Variants in RIMS1 observed in about 807,000 individuals in gnomAD.
RIMS1 encodes the protein regulating synaptic membrane exocytosis protein 1.
In RIMS1, 83 loss-of-function variants were observed where a neutral mutation model predicts 214.1. That is an observed-to-expected ratio of 0.39 (90% confidence interval 0.32 to 0.47). The LOEUF (loss-of-function observed/expected upper bound fraction) is 0.47. Ranked by LOEUF, RIMS1 falls within the 20% of genes least tolerant of loss-of-function variation. The pLI, the probability that RIMS1 is intolerant of heterozygous loss-of-function variation, is 0.99. For missense variants in RIMS1, 2,050 were observed against 2,161.8 expected, an observed-to-expected ratio of 0.95 and a Z score of 1.03; for synonymous variants, 793 against 786.8, an observed-to-expected ratio of 1.01 and a Z score of -0.13.
intron 11 of RIMS1, 80 bp from the exon 12 acceptor site, chr6:72,247,935 A>G: frequency 2.2e-6 from 2 of 903,118 alleles, no homozygotes; most frequent in Non-Finnish European, 3.6e-6. Flanking sequence ...GGTTTTATAC[A>G]AATAAAGGAT....
At position 72,355,705 on chromosome 6, in the gene RIMS1, C is replaced by T. The variant is rs572914326; in HGVS notation, c.4366+21870C>T. On this transcript the variant is annotated intron_variant, in intron 29 of 33. Coordinates refer to ENST00000521978, the MANE Select transcript of RIMS1 (RefSeq NM_014989.7). ...ATGATATTTTAATAAACATACATGT[C>T]TCCCATCTAGTTTCCCAGTGGTTTA... Among the ~76,000 whole-genome samples, 3 of 152,246 alleles carry T rather than the reference C, an allele frequency of 2.0e-5. No individual in the cohort carries two copies. The South Asian group carries it at 6.2e-4, about 32-fold the overall frequency.
intron 4 of RIMS1, among the ~76,000 whole-genome samples, chr6:72,171,336 AAT>A (rs1168511440): frequency 2.2e-5 from 3 of 139,310 alleles, no homozygotes; most frequent in African/African-American, 8.3e-5. Flanking sequence ...ATAATGTATA[AAT>A]ATATATTACG....
In RIMS1 at chr6:72,321,635, A is replaced by G. The variant is rs77089913; in HGVS notation, c.4130+7963A>G. ...CCTCTTCCTAATTCAATATTTCTCAATCCTTTTTATTATCACTCCCCTAAG... is the reference window on the plus strand; with the variant it reads ...CCTCTTCCTAATTCAATATTTCTCAGTCCTTTTTATTATCACTCCCCTAAG... On this transcript the variant is annotated intron_variant, in intron 28 of 33. Coordinates refer to ENST00000521978, the MANE Select transcript of RIMS1 (RefSeq NM_014989.7). Among the ~76,000 whole-genome samples, 25 of 152,046 alleles carry G rather than the reference A, an allele frequency of 1.6e-4. No individual in the cohort carries two copies. The East Asian group carries it at 3.1e-3, about 19-fold the overall frequency.
Position 72,160,457 on chromosome 6 carries a change from G to A in RIMS1, c.472-19118G>A, listed in dbSNP as rs542676239. Among the ~76,000 whole-genome samples, 67 of 139,720 alleles carry A rather than the reference G, an allele frequency of 4.8e-4. 3 individuals carry two copies. The highest frequency in any genetic ancestry group is 1.5e-3 in the African/African-American group (61 of 40,568). 91.7% of individuals were successfully genotyped at this position (139,720 alleles called of 152,430 possible). On this transcript the variant is annotated intron_variant, in intron 4 of 33. Transcript: ENST00000521978. ...TGGTGAGAGAGGACATCCCTGTCTT[G>A]TGCCAGTTTTCAAAGGGAATGCTTC...
chr6:72,213,343 G>A (rs919888116), intron 6 of RIMS1: 3 of 883,844 alleles, frequency 3.4e-6, no homozygotes, highest in African/African-American at 3.4e-5. Flanking sequence ...TGTGTCAGGT[G>A]CACAGTGTTC....
At chr6:72,369,187 A>G (rs993379593) in intron 29 of RIMS1, among the ~76,000 whole-genome samples, 2 of 151,732 alleles carry the variant, frequency 1.3e-5, no homozygotes, top group Non-Finnish European at 2.9e-5. Flanking sequence ...GGTTGTACCA[A>G]GCCAATTGAA....
chr6:72,365,839 T>G (rs2097989426), intron 29 of RIMS1: 1 of 152,262 alleles, frequency 6.6e-6, no homozygotes, highest in East Asian at 1.9e-4. Flanking sequence ...TGTTTCCATA[T>G]TCCTTCCATG....
At chr6:72,185,199 A>T (rs1588713824) in intron 6 of RIMS1, among the ~76,000 whole-genome samples, 2 of 152,206 alleles carry the variant, frequency 1.3e-5, no homozygotes, top group East Asian at 3.9e-4. Flanking sequence ...TTGACATAGT[A>T]CTGTATGGAC....
chr6:72,331,663 G>T (rs1208380057), intron 28 of RIMS1, among the ~76,000 whole-genome samples: 1 of 151,802 alleles, frequency 6.6e-6, no homozygotes, highest in East Asian at 1.9e-4. Flanking sequence ...GTCTCCTGGA[G>T]TTGGGAATAT....
At chr6:71,907,558 G>A (rs902766859) in intron 1 of RIMS1, among the ~76,000 whole-genome samples, 17 of 152,034 alleles carry the variant, frequency 1.1e-4, no homozygotes, top group African/African-American at 4.1e-4. Context: ...AAAATTAGAA[G>A]TGATAGAAAG....
At chr6:72,277,556 T>G (rs894311162) in intron 23 of RIMS1, among the ~76,000 whole-genome samples, 1 of 147,332 alleles carries the variant, frequency 6.8e-6, no homozygotes, top group African/African-American at 2.5e-5. Flanking sequence ...CACTCCAGCC[T>G]AGGCGACAGA....
intron 2 of RIMS1, among the ~76,000 whole-genome samples, chr6:71,979,185 C>T (rs1423232197): frequency 6.6e-6 from 1 of 151,916 alleles, no homozygotes; most frequent in African/African-American, 2.4e-5. Context: ...AAGAGTAGAA[C>T]TTAAGTAGTT....
chr6:72,311,828 A>C (rs942438996), intron 27 of RIMS1, among the ~76,000 whole-genome samples: 3 of 152,074 alleles, frequency 2.0e-5, no homozygotes, highest in African/African-American at 7.2e-5. Context: ...AAAACTAGCC[A>C]GGTGTGGCAC....
At chr6:72,193,075 CAGTG>C (rs1462855487) in intron 6 of RIMS1, among the ~76,000 whole-genome samples, 2 of 152,192 alleles carry the variant, frequency 1.3e-5, no homozygotes, top group Non-Finnish European at 2.9e-5. Context: ...TTATAAATCA[CAGTG>C]AGCATGGAAT....
At chr6:72,216,633 T>C in intron 6 of RIMS1, 1 of 985,588 alleles carries the variant, frequency 1.0e-6, no homozygotes, top group Non-Finnish European at 1.2e-6. Flanking sequence ...GACCAAATCA[T>C]TTCAGGTGAG....
intron 2 of RIMS1, among the ~76,000 whole-genome samples, chr6:71,974,078 C>T (rs1796559867): frequency 6.6e-6 from 1 of 152,146 alleles, no homozygotes; most frequent in East Asian, 1.9e-4. Flanking sequence ...AGTTGTTTCA[C>T]CAGGAGGCAG....
intron 30 of RIMS1, 80 bp downstream of exon 30, chr6:72,390,816 G>A: frequency 6.7e-7 from 1 of 1,490,866 alleles, no homozygotes; most frequent in East Asian, 2.3e-5. Flanking sequence ...GCCACTGAGT[G>A]TTACTGTGCA....
chr6:71,953,401 C>G (rs1790240082), intron 1 of RIMS1, among the ~76,000 whole-genome samples: 1 of 152,142 alleles, frequency 6.6e-6, no homozygotes, highest in African/African-American at 2.4e-5. Context: ...ACCTTGGCTA[C>G]TGTGAGTTTA....
chr6:72,290,906 G>T, intron 25 of RIMS1, 45 bp downstream of exon 25: 2 of 1,585,008 alleles, frequency 1.3e-6, no homozygotes, highest in Non-Finnish European at 1.7e-6. Flanking sequence ...CTGCCTCCGG[G>T]TGTTGGTGTG....
Sources: allele counts gnomAD v4.1 joint callset (sites outside exome capture counted in the v4.1 genomes callset), GRCh38; gene constraint gnomAD v4.1.1; transcripts MANE v1.5; gene names NCBI Gene and HGNC (gene_info 2026-07-23, HGNC 2026-07-21).